SND1: variants seen among roughly 807,000 people sequenced by gnomAD.
SND1 encodes the protein staphylococcal nuclease and tudor domain containing 1, also known as staphylococcal nuclease domain-containing protein 1.
A neutral mutation model predicts 121.7 loss-of-function variants in SND1; 38 were observed. The observed-to-expected ratio is 0.31, with a 90% confidence interval of 0.24 to 0.41. The LOEUF (loss-of-function observed/expected upper bound fraction) is 0.41, where lower values mean the gene tolerates loss of function less well. Among genes scored for constraint, SND1 ranks in the 10% least tolerant of loss-of-function variants. The pLI is 1.00. For missense variants in SND1, 868 were observed against 1,184.6 expected, an observed-to-expected ratio of 0.73 and a Z score of 3.92; for synonymous variants, 401 against 447.4, an observed-to-expected ratio of 0.90 and a Z score of 1.31.
intron 10 of SND1, among the ~76,000 whole-genome samples, chr7:127,734,113 A>T (rs1012557159): frequency 6.6e-6 from 1 of 151,846 alleles, no homozygotes; most frequent in Admixed American, 6.6e-5. Context: ...TGACAATGCA[A>T]TTTTTCTTTT....
At chr7:127,703,581 G>A (rs1056797601) in intron 7 of SND1, among the ~76,000 whole-genome samples, 4 of 152,070 alleles carry the variant, frequency 2.6e-5, no homozygotes, top group Admixed American at 6.6e-5. Context: ...TCGTGGTGGC[G>A]TGCACCTATA....
At chr7:127,954,041 C>G (rs967701976) in intron 15 of SND1, among the ~76,000 whole-genome samples, 3 of 152,194 alleles carry the variant, frequency 2.0e-5, no homozygotes, top group Non-Finnish European at 4.4e-5. Context: ...ATCTTACAAG[C>G]TCCTCGTGGG....
In SND1 at chr7:127,704,922, A is replaced by G. The variant is rs369513766; in HGVS notation, c.924A>G (p.Ala308=). ...CGATTGCAGTTTACACCCGGGGCGC[A>G]GAAAAGCTGAGGGCGGCAGAGAGGT... ...DWSIAVYTRG[A]EKLRAAERFA... is the part of the protein sequence containing the mutation. Residue 308 remains alanine (A), a synonymous_variant, in exon 8 of 24, where the codon GCA becomes GCG. Transcript: ENST00000354725. 1 of 1,614,092 alleles carries G rather than the reference A, an allele frequency of 6.2e-7. No individual in the cohort carries two copies. Among genetic ancestry groups the G allele is most frequent in the Non-Finnish European group, 8.5e-7 (1 of 1,179,956 alleles).
chr7:127,941,164 A>G (rs938322063), intron 15 of SND1, among the ~76,000 whole-genome samples: 18 of 152,144 alleles, frequency 1.2e-4, no homozygotes, highest in African/African-American at 3.6e-4. Context: ...GCTTTTTCCA[A>G]TTTACTTAAA....
At chr7:128,019,590 C>T (rs191826548) in intron 16 of SND1, among the ~76,000 whole-genome samples, 203 of 152,292 alleles carry the variant, frequency 1.3e-3, no homozygotes, top group African/African-American at 4.6e-3. Context: ...CCCATTGCTT[C>T]CCAGCTTTGA....
chr7:127,922,934 G>C (rs978650118), intron 14 of SND1, among the ~76,000 whole-genome samples: 1 of 152,182 alleles, frequency 6.6e-6, no homozygotes, highest in Non-Finnish European at 1.5e-5. Flanking sequence ...CCTGAGTGAG[G>C]TGCTTTACCA....
intron 12 of SND1, among the ~76,000 whole-genome samples, chr7:127,880,373 G>A (rs1799767646): frequency 6.6e-6 from 1 of 152,086 alleles, no homozygotes; most frequent in Non-Finnish European, 1.5e-5. Flanking sequence ...GCAATTTCAG[G>A]CATTTACTGG....
At chr7:127,682,142 A>G (rs1483868130) in intron 1 of SND1, among the ~76,000 whole-genome samples, 1 of 152,178 alleles carries the variant, frequency 6.6e-6, no homozygotes, top group Non-Finnish European at 1.5e-5. Context: ...TAGTTAAACA[A>G]ACCAAGTCAT....
At chr7:127,844,915 G>C (rs1344750216) in intron 12 of SND1, among the ~76,000 whole-genome samples, 1 of 152,192 alleles carries the variant, frequency 6.6e-6, no homozygotes, top group Non-Finnish European at 1.5e-5. Context: ...TGGCAGCCAG[G>C]CTGAGGAAGA....
In SND1 at chr7:127,784,056, A is replaced by T. The variant is rs17151329; in HGVS notation, c.1153-23428A>T. On this transcript the variant is annotated intron_variant, in intron 10 of 23. Transcript: ENST00000354725. ...TTACTAACTTTTGTTGAGTTTCTAC[A>T]TATGGGTTATATTGTGATAGGTGCT... 4.1e-3 allele frequency among the ~76,000 whole-genome samples: 629 copies of T among 152,336 alleles called. 7 individuals are homozygous for T. The highest frequency in any genetic ancestry group is 0.015 in the African/African-American group (603 of 41,570).
intron 10 of SND1, among the ~76,000 whole-genome samples, chr7:127,723,007 G>A (rs1266804335): frequency 6.6e-6 from 1 of 152,132 alleles, no homozygotes; most frequent in Non-Finnish European, 1.5e-5. Context: ...CATCTGTGCC[G>A]TACAGTTGGA....
chr7:127,831,889 G>T (rs1798747429), intron 11 of SND1, among the ~76,000 whole-genome samples: 1 of 146,466 alleles, frequency 6.8e-6, no homozygotes, highest in Non-Finnish European at 1.5e-5. Context: ...TGAAAAATTG[G>T]AAGTACCTTA....
At chr7:127,804,335 C>T (rs1352915705) in intron 10 of SND1, among the ~76,000 whole-genome samples, 1 of 152,140 alleles carries the variant, frequency 6.6e-6, no homozygotes, top group Admixed American at 6.5e-5. Context: ...TTTCTAGCTT[C>T]ATGAGAGACA....
At chr7:127,916,777 T>G (rs1800588753) in intron 14 of SND1, among the ~76,000 whole-genome samples, 1 of 152,144 alleles carries the variant, frequency 6.6e-6, no homozygotes, top group Non-Finnish European at 1.5e-5. Context: ...ATTCCATGAG[T>G]TACTGGTGAC....
chr7:128,028,965 G>C, intron 16 of SND1: 1 of 1,608,598 alleles, frequency 6.2e-7, no homozygotes, highest in Admixed American at 1.7e-5. Context: ...GGCTGTGACT[G>C]TACTCCGCTG....
intron 16 of SND1, among the ~76,000 whole-genome samples, chr7:128,053,744 C>T (rs1468878131): frequency 6.6e-6 from 1 of 151,986 alleles, no homozygotes; most frequent in African/African-American, 2.4e-5. Flanking sequence ...GCACCTTTTT[C>T]CTGCTGGTCC....
At chr7:127,662,880 C>A (rs755460670) in intron 1 of SND1, among the ~76,000 whole-genome samples, 1 of 148,964 alleles carries the variant, frequency 6.7e-6, no homozygotes, top group Non-Finnish European at 1.5e-5. Context: ...CCGTGCACAA[C>A]CTCTTTTATC....
chr7:127,767,499 A>C (rs1427101863), intron 10 of SND1, among the ~76,000 whole-genome samples: 2 of 152,238 alleles, frequency 1.3e-5, no homozygotes, highest in Non-Finnish European at 2.9e-5. Flanking sequence ...AGGCTCCAGC[A>C]GGGAGTCTGT....
At chr7:128,048,281 T>A (rs1428946382) in intron 16 of SND1, among the ~76,000 whole-genome samples, 3 of 151,508 alleles carry the variant, frequency 2.0e-5, no homozygotes, top group South Asian at 2.1e-4. Flanking sequence ...TTTTTTTTTT[T>A]CCAATTCAGG....
Sources: gnomAD v4.1 joint callset for allele counts (sites outside exome capture counted in the v4.1 genomes callset) on GRCh38, gnomAD v4.1.1 for gene constraint, MANE v1.5 for transcripts, NCBI Gene and HGNC (gene_info 2026-07-23, HGNC 2026-07-21) for gene names.